Variants in POFUT3 observed in about 807,000 individuals in gnomAD.
POFUT3 encodes the protein GDP-fucose protein O-fucosyltransferase 3.
At chr8:33,321,184 G>A in the POFUT3 span, among the ~76,000 whole-genome samples, 3 of 151,926 alleles carry the variant, frequency 2.0e-5, no homozygotes, top group South Asian at 4.1e-4. Context: ...TATAGTTCCC[G>A]AGGTGCAAGT....
chr8:33,383,627 C>T, the POFUT3 span, among the ~76,000 whole-genome samples: 67 of 151,994 alleles, frequency 4.4e-4, no homozygotes, highest in Non-Finnish European at 8.2e-4. Flanking sequence ...GTTGAAACCC[C>T]GTCTCTACTA....
the POFUT3 span, among the ~76,000 whole-genome samples, chr8:33,340,587 TA>T: frequency 4.0e-5 from 6 of 151,676 alleles, no homozygotes; most frequent in African/African-American, 1.2e-4. Context: ...AAAGGATGTT[TA>T]AAAAAAAGAT....
chr8:33,318,081 T>C, the POFUT3 span, among the ~76,000 whole-genome samples: 217 of 152,180 alleles, frequency 1.4e-3, no homozygotes, highest in Non-Finnish European at 2.2e-3. Context: ...GAGAGTGCAG[T>C]CTTTTGATGC....
chr8:33,313,190 A>G, the POFUT3 span, among the ~76,000 whole-genome samples: 4 of 152,200 alleles, frequency 2.6e-5, no homozygotes, highest in African/African-American at 9.6e-5. Context: ...TAGGGAGATT[A>G]GAGAAAGGGG....
the POFUT3 span, among the ~76,000 whole-genome samples, chr8:33,339,641 C>CT: frequency 7.9e-5 from 12 of 152,108 alleles, no homozygotes. Flanking sequence ...GATTAAACTT[C>CT]TTAAAACTAA....
chr8:33,335,041 A>G, the POFUT3 span, among the ~76,000 whole-genome samples: 1 of 152,178 alleles, frequency 6.6e-6, no homozygotes, highest in East Asian at 1.9e-4. Flanking sequence ...TCTAGCTGTA[A>G]AAGGAACTTT....
chr8:33,355,234 C>A, the POFUT3 span, among the ~76,000 whole-genome samples: 3 of 152,190 alleles, frequency 2.0e-5, no homozygotes, highest in Non-Finnish European at 4.4e-5. Context: ...AATATTATAT[C>A]TTCCTTCCTA....
At chr8:33,311,706 T>TTTTGGG in the POFUT3 span, among the ~76,000 whole-genome samples, 1 of 152,186 alleles carries the variant, frequency 6.6e-6, no homozygotes, top group African/African-American at 2.4e-5. Context: ...CTATTCCTTC[T>TTTTGGG]ACATAAGCAA....
At chr8:33,345,191 TA>T in the POFUT3 span, among the ~76,000 whole-genome samples, 1 of 152,040 alleles carries the variant, frequency 6.6e-6, no homozygotes. Flanking sequence ...GAATTGCAAT[TA>T]AAAAATGTAT....
At chr8:33,331,884 A>C in the POFUT3 span, among the ~76,000 whole-genome samples, 1 of 151,514 alleles carries the variant, frequency 6.6e-6, no homozygotes, top group Non-Finnish European at 1.5e-5. Flanking sequence ...TCACCGTGTT[A>C]GCCAGGATGG....
At chr8:33,339,886 C>T in the POFUT3 span, among the ~76,000 whole-genome samples, 3 of 152,076 alleles carry the variant, frequency 2.0e-5, no homozygotes, top group African/African-American at 7.2e-5. Context: ...ATTAAAATAA[C>T]TTGTTGCCAG....
chr8:33,310,690 C>CA, the POFUT3 span, among the ~76,000 whole-genome samples: 42,301 of 127,468 alleles, frequency 0.33, 6,959 homozygotes, highest in East Asian at 0.64. Flanking sequence ...GACTCCATCT[C>CA]AAAAAAAAAA....
chr8:33,354,143 T>C, the POFUT3 span, among the ~76,000 whole-genome samples: 1 of 152,220 alleles, frequency 6.6e-6, no homozygotes, highest in Non-Finnish European at 1.5e-5. Context: ...TTGTTGGTGT[T>C]TCAAAAGATA....
the POFUT3 span, among the ~76,000 whole-genome samples, chr8:33,314,975 T>C: frequency 6.6e-6 from 1 of 152,156 alleles, no homozygotes; most frequent in African/African-American, 2.4e-5. Flanking sequence ...TGGGAGAAGA[T>C]GATTGCACAA....
At chr8:33,353,253 A>G in the POFUT3 span, among the ~76,000 whole-genome samples, 1 of 152,212 alleles carries the variant, frequency 6.6e-6, no homozygotes, top group South Asian at 2.1e-4. Context: ...GCAGACAGGG[A>G]TCCCTTCCCA....
the POFUT3 span, among the ~76,000 whole-genome samples, chr8:33,390,396 A>C: frequency 6.6e-6 from 1 of 152,140 alleles, no homozygotes; most frequent in African/African-American, 2.4e-5. Flanking sequence ...AATTTATTCC[A>C]CTGCCTCTTG....
At chr8:33,392,614 T>C in the POFUT3 span, among the ~76,000 whole-genome samples, 2 of 151,628 alleles carry the variant, frequency 1.3e-5, no homozygotes, top group Admixed American at 6.6e-5. Context: ...TAAAAACACG[T>C]CATTTTGCCC....
the POFUT3 span, among the ~76,000 whole-genome samples, chr8:33,450,072 G>C: frequency 4.0e-4 from 61 of 151,606 alleles, no homozygotes; most frequent in African/African-American, 1.4e-3. Flanking sequence ...CAAGTAGCTG[G>C]GATTATAGGC....
chr8:33,464,462 G>A, the POFUT3 span, among the ~76,000 whole-genome samples: 2 of 152,248 alleles, frequency 1.3e-5, no homozygotes, highest in East Asian at 1.9e-4. Context: ...TAACTTTGAC[G>A]AGTATTACGA....
Sources: allele counts gnomAD v4.1 joint callset (sites outside exome capture counted in the v4.1 genomes callset), GRCh38; gene constraint gnomAD v4.1.1; transcripts MANE v1.5; gene names NCBI Gene and HGNC (gene_info 2026-07-23, HGNC 2026-07-21).